The following CTNNA2 variants were observed in gnomAD, a reference collection of about 807,000 sequenced individuals.
The protein encoded by CTNNA2 is catenin alpha-2.
A neutral mutation model predicts 101.0 loss-of-function variants in CTNNA2; 42 were observed. The ratio of observed to expected loss-of-function variants is 0.42; its 90% CI spans 0.32 to 0.54. CTNNA2 has a LOEUF of 0.54. Ranked by LOEUF, CTNNA2 falls within the 20% of genes least tolerant of loss-of-function variation. The probability of loss-of-function intolerance (pLI) is 0.14; values close to 1 mark genes in which losing one functional copy is unlikely to be tolerated. For synonymous variants in CTNNA2, 450 were observed against 456.4 expected (o/e 0.99, Z 0.18); for missense variants, 871 against 1,223.1 (o/e 0.71, Z 4.29).
chr2:79,392,521 G>A lies in CTNNA2; in HGVS notation c.-135+18508G>A, dbSNP rs189419716. Among the ~76,000 whole-genome samples the A allele has an allele frequency of 7.2e-5, 11 of 152,198 alleles. No individual in the cohort carries two copies. In the East Asian group the frequency reaches 1.2e-3, roughly 16 times the overall value. On this transcript the variant is annotated intron_variant, in intron 4 of 21. Transcript: ENST00000466387. ...AGAAAGTATGATCTCCTTATGAGTC[G>A]TTTTCATCATTTAATCAAATATCAG... is the stretch of plus-strand genomic sequence containing the variant.
At chr2:79,758,701 G>A (rs1382302865) in intron 3 of CTNNA2, among the ~76,000 whole-genome samples, 3 of 152,110 alleles carry the variant, frequency 2.0e-5, no homozygotes, top group Admixed American at 1.3e-4. Flanking sequence ...GTGAAATTTG[G>A]TTTCCTGTTC....
intron 2 of CTNNA2, among the ~76,000 whole-genome samples, chr2:79,680,582 G>A (rs1683496774): frequency 6.6e-6 from 1 of 152,150 alleles, no homozygotes; most frequent in Non-Finnish European, 1.5e-5. Context: ...TCTCACTGGA[G>A]CCTCTTGAAT....
chr2:79,507,814 G>A (rs1198267168), intron 5 of CTNNA2, among the ~76,000 whole-genome samples: 1 of 152,114 alleles, frequency 6.6e-6, no homozygotes, highest in Non-Finnish European at 1.5e-5. Context: ...TCATATAAGT[G>A]TGGGAAATGC....
At chr2:79,806,643 G>A (rs1347770439) in intron 3 of CTNNA2, among the ~76,000 whole-genome samples, 2 of 151,848 alleles carry the variant, frequency 1.3e-5, no homozygotes, top group African/African-American at 4.8e-5. Context: ...AGAACCCTGC[G>A]ACTGCCCCAG....
At chr2:79,654,246 C>T (rs1037188295) in intron 2 of CTNNA2, among the ~76,000 whole-genome samples, 3 of 152,228 alleles carry the variant, frequency 2.0e-5, no homozygotes, top group African/African-American at 7.2e-5. Context: ...TAGCAGCGCC[C>T]CACTTCCAAG....
chr2:80,516,785 A>G (rs924911553), intron 9 of CTNNA2, among the ~76,000 whole-genome samples: 1 of 152,230 alleles, frequency 6.6e-6, no homozygotes, highest in African/African-American at 2.4e-5. Flanking sequence ...AGCAAGAAAT[A>G]CAGACAAATT....
At chr2:79,755,469 C>T (rs1672335631) in intron 3 of CTNNA2, among the ~76,000 whole-genome samples, 2 of 152,192 alleles carry the variant, frequency 1.3e-5, no homozygotes, top group Non-Finnish European at 2.9e-5. Flanking sequence ...TATGGCCATA[C>T]ACTGCCACTC....
intron 9 of CTNNA2, among the ~76,000 whole-genome samples, chr2:80,512,677 CTT>C (rs5832456): frequency 2.0e-5 from 3 of 151,412 alleles, no homozygotes; most frequent in African/African-American, 4.9e-5. Context: ...TTTTTAAATT[CTT>C]TTTTTTTGTT....
intron 7 of CTNNA2, among the ~76,000 whole-genome samples, chr2:80,146,710 G>GTTTTTTTTTTGTT (rs1703358433): frequency 1.6e-5 from 1 of 61,744 alleles, no homozygotes; most frequent in Non-Finnish European, 3.1e-5. Flanking sequence ...GTCCCCTCTG[G>GTTTTTTTTTTGTT]TTTTTTTTTT....
chr2:80,202,832 T>C (rs944145770), intron 7 of CTNNA2, among the ~76,000 whole-genome samples: 1 of 152,130 alleles, frequency 6.6e-6, no homozygotes, highest in East Asian at 1.9e-4. Flanking sequence ...AATCACACTG[T>C]ATTAGTCTGT....
chr2:79,848,694 A>C (rs1680436232), intron 3 of CTNNA2, among the ~76,000 whole-genome samples: 1 of 152,190 alleles, frequency 6.6e-6, no homozygotes, highest in Non-Finnish European at 1.5e-5. Flanking sequence ...TGACATTTCT[A>C]GTACTTTTGC....
chr2:80,525,364 T>G (rs532088870), intron 9 of CTNNA2, among the ~76,000 whole-genome samples: 43 of 152,082 alleles, frequency 2.8e-4, no homozygotes, highest in African/African-American at 9.9e-4. Context: ...GGGGCCTCTT[T>G]CAATCTGAAT....
intron 4 of CTNNA2, among the ~76,000 whole-genome samples, chr2:79,425,627 A>C (rs1029161252): frequency 2.0e-5 from 3 of 152,078 alleles, no homozygotes; most frequent in African/African-American, 7.2e-5. Context: ...TGGCCTAATC[A>C]CTTCTTAAAA....
intron 7 of CTNNA2, among the ~76,000 whole-genome samples, chr2:79,919,559 G>T (rs1176403829): frequency 1.3e-5 from 2 of 152,178 alleles, no homozygotes; most frequent in Non-Finnish European, 2.9e-5. Flanking sequence ...GGCCAGTCTG[G>T]ACAGCACATA....
chr2:80,207,136 T>C (rs1004964747), intron 7 of CTNNA2, among the ~76,000 whole-genome samples: 4 of 152,318 alleles, frequency 2.6e-5, no homozygotes, highest in East Asian at 1.9e-4. Flanking sequence ...GAAATAGCCA[T>C]GGGAAATGAA....
chr2:80,055,507 G>T, intron 7 of CTNNA2, among the ~76,000 whole-genome samples: 1 of 152,128 alleles, frequency 6.6e-6, no homozygotes, highest in East Asian at 1.9e-4. Context: ...GACCCACGAA[G>T]TTGATTATTA....
chr2:79,272,834 A>G (rs1202837678), intron 2 of CTNNA2, among the ~76,000 whole-genome samples: 1 of 152,152 alleles, frequency 6.6e-6, no homozygotes, highest in Admixed American at 6.6e-5. Flanking sequence ...ACCCATTTAC[A>G]TTTATTGAGA....
chr2:80,105,206 CAT>C (rs1469383740), intron 7 of CTNNA2, among the ~76,000 whole-genome samples: 11 of 152,178 alleles, frequency 7.2e-5, no homozygotes, highest in Admixed American at 5.2e-4. Flanking sequence ...GAATCTAACA[CAT>C]GTGTAGAGAG....
intron 4 of CTNNA2, among the ~76,000 whole-genome samples, chr2:79,409,107 G>A (rs529549774): frequency 1.7e-3 from 254 of 152,108 alleles, no homozygotes; most frequent in African/African-American, 5.9e-3. Context: ...CTTTTGAGAA[G>A]TGTCTGTTCA....
Sources: gnomAD v4.1 joint callset for allele counts (sites outside exome capture counted in the v4.1 genomes callset) on GRCh38, gnomAD v4.1.1 for gene constraint, MANE v1.5 for transcripts, NCBI Gene and HGNC (gene_info 2026-07-23, HGNC 2026-07-21) for gene names.